Variants in RAB38 observed in about 807,000 individuals in gnomAD.
The protein encoded by RAB38 is RAB38, member RAS oncogene family, also known as ras-related protein Rab-38.
Under a neutral mutation model 18.4 loss-of-function variants are expected in RAB38, and 15 were observed. The ratio of observed to expected loss-of-function variants is 0.82; its 90% CI spans 0.55 to 1.26. The LOEUF is 1.26. Ranked by LOEUF, RAB38 falls within the 50% of genes most tolerant of loss-of-function variation. The pLI is 0.00. For synonymous variants in RAB38, 101 were observed against 104.4 expected (o/e 0.97, Z 0.20); for missense variants, 294 against 267.4 (o/e 1.10, Z -0.69).
chr11:88,123,493 T>C (rs1000252979), intron 2 of RAB38, among the ~76,000 whole-genome samples: 1 of 152,236 alleles, frequency 6.6e-6, no homozygotes, highest in Non-Finnish European at 1.5e-5. Context: ...CTGCCTGTCC[T>C]TATTTTGCTT....
the RAB38 span, among the ~76,000 whole-genome samples, chr11:88,105,721 C>G: frequency 3.9e-5 from 6 of 152,106 alleles, no homozygotes; most frequent in African/African-American, 1.4e-4. Flanking sequence ...CATAGTTCAG[C>G]TTGGATCACA....
the RAB38 span, among the ~76,000 whole-genome samples, chr11:87,828,404 C>G: frequency 6.6e-6 from 1 of 152,068 alleles, no homozygotes; most frequent in Non-Finnish European, 1.5e-5. Context: ...TTTAAATCCC[C>G]ATTCTACTAC....
At chr11:87,854,128 G>GT in the RAB38 span, among the ~76,000 whole-genome samples, 2 of 30,974 alleles carry the variant, frequency 6.5e-5, no homozygotes, top group Non-Finnish European at 1.6e-4. Context: ...CACCTGCAAA[G>GT]GTTTTTGTTT....
the RAB38 span, among the ~76,000 whole-genome samples, chr11:87,943,358 A>C: frequency 6.6e-6 from 1 of 152,082 alleles, no homozygotes; most frequent in Admixed American, 6.6e-5. Context: ...TTTTTAAAAA[A>C]CAAGATGACT....
chr11:87,853,498 A>G, the RAB38 span, among the ~76,000 whole-genome samples: 18 of 152,168 alleles, frequency 1.2e-4, no homozygotes, highest in Non-Finnish European at 2.5e-4. Context: ...CAGTCCCTAG[A>G]ACTGTGAGAA....
chr11:88,004,637 T>TA, the RAB38 span, among the ~76,000 whole-genome samples: 2 of 151,136 alleles, frequency 1.3e-5, no homozygotes, highest in African/African-American at 4.8e-5. Context: ...AGTCATTGCA[T>TA]AAAAGAAGAA....
downstream of RAB38, among the ~76,000 whole-genome samples, chr11:88,108,553 G>A (rs1321906211): frequency 2.6e-5 from 4 of 152,068 alleles, 1 homozygote; most frequent in South Asian, 6.2e-4. Flanking sequence ...CATGAGATGG[G>A]TCTCCTGAAT....
At chr11:87,922,285 C>T in the RAB38 span, among the ~76,000 whole-genome samples, 1,545 of 152,076 alleles carry the variant, frequency 0.01, 13 homozygotes, top group Non-Finnish European at 0.015. Context: ...TGCACACCCT[C>T]TAACGAGGAG....
In RAB38 at chr11:88,175,429, G is replaced by C; in HGVS notation, c.-45C>G. 3 of 1,604,176 alleles carry C rather than the reference G, an allele frequency of 1.9e-6. No individual in the cohort carries two copies. Among genetic ancestry groups the C allele is most frequent in the Non-Finnish European group, 2.6e-6 (3 of 1,172,220 alleles). On this transcript the variant is annotated 5_prime_UTR_variant, in exon 1 of 3. Transcript: ENST00000243662. ...TGCCGTGCCTGACCAGGGAAGCGCA[G>C]CCTGGGCTCTGCGCACGAGAGAGAC... is the stretch of plus-strand genomic sequence containing the variant.
the RAB38 span, among the ~76,000 whole-genome samples, chr11:88,074,088 A>C: frequency 5.3e-5 from 8 of 152,038 alleles, no homozygotes; most frequent in African/African-American, 7.2e-5. Flanking sequence ...TTTAAGAGAG[A>C]GTTGAGCAAG....
the RAB38 span, among the ~76,000 whole-genome samples, chr11:88,092,074 G>T: frequency 6.6e-6 from 1 of 151,716 alleles, no homozygotes; most frequent in African/African-American, 2.4e-5. Context: ...TGGGAACATC[G>T]TATGGCAGTG....
the RAB38 span, among the ~76,000 whole-genome samples, chr11:87,843,092 C>G: frequency 6.6e-6 from 1 of 152,134 alleles, no homozygotes; most frequent in African/African-American, 2.4e-5. Flanking sequence ...ATTCTTTAGA[C>G]AGTTCTTTGG....
chr11:87,908,272 C>G, the RAB38 span, among the ~76,000 whole-genome samples: 2 of 152,056 alleles, frequency 1.3e-5, no homozygotes, highest in South Asian at 2.1e-4. Context: ...AGAGCTTGCT[C>G]TTGTAAGAAA....
chr11:87,831,597 G>A, the RAB38 span, among the ~76,000 whole-genome samples: 1 of 152,166 alleles, frequency 6.6e-6, no homozygotes, highest in African/African-American at 2.4e-5. Context: ...CATCAGATAG[G>A]AGACCATTTG....
At chr11:87,968,444 G>A in the RAB38 span, among the ~76,000 whole-genome samples, 2 of 152,168 alleles carry the variant, frequency 1.3e-5, no homozygotes, top group African/African-American at 4.8e-5. Context: ...GAAGTGATCA[G>A]AAGTAATATG....
the RAB38 span, among the ~76,000 whole-genome samples, chr11:87,888,465 G>A: frequency 6.6e-6 from 1 of 151,916 alleles, no homozygotes; most frequent in African/African-American, 2.4e-5. Flanking sequence ...TTATCTGTAA[G>A]ATCTGGAACA....
the RAB38 span, among the ~76,000 whole-genome samples, chr11:88,067,041 G>A: frequency 6.6e-6 from 1 of 152,076 alleles, no homozygotes; most frequent in African/African-American, 2.4e-5. Flanking sequence ...ATATTTCTTG[G>A]TATTTAATAA....
chr11:88,050,065 C>A, the RAB38 span: 2 of 152,178 alleles, frequency 1.3e-5, no homozygotes, highest in African/African-American at 4.8e-5. Flanking sequence ...GAGCTACATT[C>A]TTCAAATAGT....
At chr11:87,848,063 A>G in the RAB38 span, among the ~76,000 whole-genome samples, 2 of 152,148 alleles carry the variant, frequency 1.3e-5, no homozygotes, top group African/African-American at 4.8e-5. Flanking sequence ...TACATTTTTT[A>G]AAAGGGTAGC....
Sources: allele counts gnomAD v4.1 joint callset (sites outside exome capture counted in the v4.1 genomes callset), GRCh38; gene constraint gnomAD v4.1.1; transcripts MANE v1.5; gene names NCBI Gene and HGNC (gene_info 2026-07-23, HGNC 2026-07-21).